Variants in JPH1 observed in about 807,000 individuals in gnomAD.
JPH1 encodes junctophilin-1.
A neutral mutation model predicts 53.6 loss-of-function variants in JPH1; 12 were observed. The observed-to-expected ratio is 0.22, with a 90% CI of 0.14 to 0.36. The LOEUF (loss-of-function observed/expected upper bound fraction) is 0.36, where lower values mean the gene tolerates loss of function less well. Ranked by LOEUF, JPH1 falls within the 10% of genes least tolerant of loss-of-function variation. The pLI is 1.00. For missense variants in JPH1, 808 were observed against 905.5 expected, an observed-to-expected ratio of 0.89 and a Z score of 1.38; for synonymous variants, 375 against 363.8, an observed-to-expected ratio of 1.03 and a Z score of -0.35.
chr8:74,289,707 G>A (rs1807268370), intron 2 of JPH1, among the ~76,000 whole-genome samples: 1 of 152,162 alleles, frequency 6.6e-6, no homozygotes, highest in South Asian at 2.1e-4. Context: ...CACTTAAAAT[G>A]TTCTGAAATA....
At chr8:74,294,785 C>T (rs1464037318) in intron 2 of JPH1, among the ~76,000 whole-genome samples, 1 of 152,236 alleles carries the variant, frequency 6.6e-6, no homozygotes, top group South Asian at 2.1e-4. Flanking sequence ...AACATTTACT[C>T]TAACATGAAA....
chr8:74,243,534 A>T (rs546338687), intron 4 of JPH1, among the ~76,000 whole-genome samples: 1 of 152,274 alleles, frequency 6.6e-6, no homozygotes, highest in African/African-American at 2.4e-5. Flanking sequence ...TAAATCAAAC[A>T]GACAAAAATA....
At chr8:74,254,106 A>T (rs1302614652) in intron 3 of JPH1, among the ~76,000 whole-genome samples, 1 of 152,100 alleles carries the variant, frequency 6.6e-6, no homozygotes, top group African/African-American at 2.4e-5. Context: ...AGAATTTTAG[A>T]CCAATATCCT....
At chr8:74,273,571 T>G (rs2131409732) in intron 2 of JPH1, among the ~76,000 whole-genome samples, 1 of 152,342 alleles carries the variant, frequency 6.6e-6, no homozygotes, top group East Asian at 1.9e-4. Flanking sequence ...TATTTTTAAG[T>G]TATAATTTCA....
chr8:74,253,997 C>T (rs1444504293), intron 3 of JPH1, among the ~76,000 whole-genome samples: 4 of 152,058 alleles, frequency 2.6e-5, no homozygotes, highest in Non-Finnish European at 2.9e-5. Context: ...CTTCTGAAAC[C>T]ATTCCAATCA....
chr8:74,252,863 C>T (rs1481867778), intron 3 of JPH1, among the ~76,000 whole-genome samples: 9 of 152,116 alleles, frequency 5.9e-5, no homozygotes, highest in African/African-American at 1.9e-4. Flanking sequence ...ATATATGCAC[C>T]CAATACAGGA....
chr8:74,292,984 C>T (rs1807383496), intron 2 of JPH1, among the ~76,000 whole-genome samples: 1 of 152,202 alleles, frequency 6.6e-6, no homozygotes, highest in African/African-American at 2.4e-5. Flanking sequence ...TTTATAGCCA[C>T]AGTTTGCACA....
chr8:74,277,208 C>T (rs1053309966), intron 2 of JPH1, among the ~76,000 whole-genome samples: 5 of 152,186 alleles, frequency 3.3e-5, no homozygotes, highest in Non-Finnish European at 7.3e-5. Context: ...TGAGGCCACA[C>T]TTGCCATCCC....
chr8:74,273,746 G>A (rs765258091), intron 2 of JPH1, among the ~76,000 whole-genome samples: 3 of 152,072 alleles, frequency 2.0e-5, no homozygotes, highest in Admixed American at 6.5e-5. Flanking sequence ...TCAGTAACCC[G>A]ATTTTATTTT....
Position 74,320,820 on chromosome 8 carries a change from G to T in JPH1, c.379+89C>A. The T allele has an allele frequency of 7.3e-7, 1 of 1,366,690 alleles. No homozygotes were observed. Among genetic ancestry groups the T allele is most frequent in the Non-Finnish European group, 9.5e-7 (1 of 1,053,044 alleles). 84.7% of individuals were successfully genotyped at this position (1,366,690 alleles called of 1,614,324 possible). On this transcript the variant is annotated intron_variant, in intron 1 of 5. Coordinates refer to ENST00000342232, the MANE Select transcript of JPH1 (RefSeq NM_020647.4). This position sits in a 1 kb window ranked among gnomAD's most constrained non-coding sequence, Gnocchi z 4.4. Reference sequence around the variant, plus strand: ...TTTTGGCGGGTTTCCGGACACGTGCGCCCGGCGTCCTCCCCGCTTCCCCGC... The same window carrying T: ...TTTTGGCGGGTTTCCGGACACGTGCTCCCGGCGTCCTCCCCGCTTCCCCGC...
At chr8:74,272,697 G>A (rs368466187) in intron 2 of JPH1, among the ~76,000 whole-genome samples, 4 of 148,580 alleles carry the variant, frequency 2.7e-5, no homozygotes, top group East Asian at 2.0e-4. Flanking sequence ...TCCGCCTCCC[G>A]GGTTCACGCC....
chr8:74,316,353 TA>T (rs1808157879), intron 1 of JPH1, among the ~76,000 whole-genome samples: 1 of 152,230 alleles, frequency 6.6e-6, no homozygotes, highest in Non-Finnish European at 1.5e-5. Context: ...CTTTGTGCCG[TA>T]TCATTTGCCA....
At chr8:74,308,178 CCAATG>C (rs1477744332) in intron 2 of JPH1, among the ~76,000 whole-genome samples, 3 of 152,284 alleles carry the variant, frequency 2.0e-5, no homozygotes, top group African/African-American at 7.2e-5. Context: ...AAAAGCTAAG[CCAATG>C]TTATCACAGT....
At chr8:74,253,046 T>C (rs1806113036) in intron 3 of JPH1, among the ~76,000 whole-genome samples, 1 of 152,106 alleles carries the variant, frequency 6.6e-6, no homozygotes, top group Admixed American at 6.5e-5. Flanking sequence ...GCAGATCTAA[T>C]AGACATCTAC....
chr8:74,300,818 C>T (rs1807659793), intron 2 of JPH1, among the ~76,000 whole-genome samples: 1 of 152,164 alleles, frequency 6.6e-6, no homozygotes, highest in Non-Finnish European at 1.5e-5. Context: ...TTTTCTGTGA[C>T]AATCTGGTCA....
intron 4 of JPH1, among the ~76,000 whole-genome samples, chr8:74,243,995 T>A (rs1361169429): frequency 6.6e-6 from 1 of 152,224 alleles, no homozygotes; most frequent in African/African-American, 2.4e-5. Context: ...AAGAAAAATG[T>A]TCTAGCTGCA....
Position 74,240,123 on chromosome 8 carries a change from T to C in JPH1, c.1906-2820A>G, listed in dbSNP as rs551354345. Among the ~76,000 whole-genome samples, 59 of 152,128 alleles carry C rather than the reference T, an allele frequency of 3.9e-4. 1 individual carries two copies. The South Asian group carries it at 0.012, about 32-fold the overall frequency. On this transcript the variant is annotated intron_variant, in intron 4 of 5. Transcript: ENST00000342232. Reference sequence around the variant, plus strand: ...AGTAGCTGGGACTACAGGTGTTCACTACGATGCCCAGCTAACTTTTATATT... The same window carrying C: ...AGTAGCTGGGACTACAGGTGTTCACCACGATGCCCAGCTAACTTTTATATT...
intron 2 of JPH1, among the ~76,000 whole-genome samples, chr8:74,265,341 A>G (rs2131399849): frequency 6.6e-6 from 1 of 152,326 alleles, no homozygotes; most frequent in Admixed American, 6.5e-5. Flanking sequence ...TTTTTAATTA[A>G]GTACTTTATA....
chr8:74,243,010 G>A (rs550547916), intron 4 of JPH1, among the ~76,000 whole-genome samples: 1 of 152,248 alleles, frequency 6.6e-6, no homozygotes, highest in South Asian at 2.1e-4. Flanking sequence ...TAGGACGCTG[G>A]GGCATACACT....
Sources: allele counts gnomAD v4.1 joint callset (sites outside exome capture counted in the v4.1 genomes callset), GRCh38; gene constraint gnomAD v4.1.1; non-coding constraint Gnocchi (gnomAD v3.1); transcripts MANE v1.5; gene names NCBI Gene and HGNC (gene_info 2026-07-23, HGNC 2026-07-21).